The following DIAPH2 variants were observed in gnomAD, a reference collection of about 807,000 sequenced individuals.
The protein encoded by DIAPH2 is protein diaphanous homolog 2.
A neutral mutation model predicts 92.7 loss-of-function variants in DIAPH2; 35 were observed. That is an observed-to-expected ratio of 0.38 (90% CI 0.29 to 0.50). The LOEUF (loss-of-function observed/expected upper bound fraction) is 0.50, where lower values mean the gene tolerates loss of function less well. Among genes scored for constraint, DIAPH2 ranks in the 20% least tolerant of loss-of-function variants. The probability of loss-of-function intolerance (pLI) is 0.94; values close to 1 mark genes in which losing one functional copy is unlikely to be tolerated. For synonymous variants in DIAPH2, 301 were observed against 280.4 expected, an observed-to-expected ratio of 1.07 and a Z score of -0.73; for missense variants, 701 against 819.5, an observed-to-expected ratio of 0.86 and a Z score of 1.77.
intron 21 of DIAPH2, among the ~76,000 whole-genome samples, chrX:97,135,360 G>A (rs1277150658): frequency 2.7e-5 from 3 of 110,236 alleles, no homozygotes; most frequent in Non-Finnish European, 3.8e-5. Flanking sequence ...CACCATGCCC[G>A]GCTAATTTTT....
chrX:97,298,707 C>G (rs893813579), intron 23 of DIAPH2, among the ~76,000 whole-genome samples: 1 of 107,323 alleles, frequency 9.3e-6, no homozygotes, highest in African/African-American at 3.4e-5. Flanking sequence ...CTCCGCCTCC[C>G]GGGTTCACGC....
intron 21 of DIAPH2, among the ~76,000 whole-genome samples, chrX:97,122,906 C>T (rs1176495281): frequency 9.0e-6 from 1 of 111,329 alleles, no homozygotes; most frequent in Non-Finnish European, 1.9e-5. Flanking sequence ...CTATGCTACA[C>T]CAAATGCAAA....
intron 26 of DIAPH2, among the ~76,000 whole-genome samples, chrX:97,446,108 G>A (rs184765701): frequency 9.0e-6 from 1 of 111,288 alleles, no homozygotes; most frequent in African/African-American, 3.3e-5. Context: ...ACAAGTGTTT[G>A]TGATAGTGAG....
rs1193496167 is a variant in DIAPH2 at position 96,795,148 on chromosome X, C to G, written c.447+36890C>G. 2.7e-5 allele frequency among the ~76,000 whole-genome samples: 3 copies of G among 111,445 alleles called. No individual in the cohort carries two copies. In the Admixed American group the frequency reaches 2.9e-4, roughly 11 times the overall value. On this transcript the variant is annotated intron_variant, in intron 4 of 26. Coordinates refer to ENST00000324765, the MANE Select transcript of DIAPH2 (RefSeq NM_006729.5). ...GACATTTTTTTTGGTGGCCACCATT[C>G]AACCCACTATTTCAGCAAATATTTA...
chrX:97,072,353 G>T (rs181231054), intron 17 of DIAPH2, among the ~76,000 whole-genome samples: 107 of 112,221 alleles, frequency 9.5e-4, no homozygotes, highest in Non-Finnish European at 1.4e-3. Context: ...AATAGCGAGG[G>T]ATACAAAGCT....
At chrX:96,725,324 T>C (rs1013132954) in intron 1 of DIAPH2, among the ~76,000 whole-genome samples, 1 of 111,888 alleles carries the variant, frequency 8.9e-6, no homozygotes, top group African/African-American at 3.2e-5. Context: ...GTTTTTTCAG[T>C]TATCACTACT....
At chrX:96,988,379 C>T (rs1281064172) in intron 17 of DIAPH2, among the ~76,000 whole-genome samples, 1 of 109,733 alleles carries the variant, frequency 9.1e-6, no homozygotes, top group Non-Finnish European at 1.9e-5. Context: ...AAAACATACC[C>T]TCAGAAGCAG....
chrX:96,977,963 C>T (rs2147837652), intron 17 of DIAPH2, among the ~76,000 whole-genome samples: 1 of 112,106 alleles, frequency 8.9e-6, no homozygotes, highest in Non-Finnish European at 1.9e-5. Context: ...GGATTACAGG[C>T]GTGAGCCACC....
intron 23 of DIAPH2, among the ~76,000 whole-genome samples, chrX:97,329,742 C>A (rs764557130): frequency 9.0e-6 from 1 of 110,662 alleles, no homozygotes; most frequent in African/African-American, 3.3e-5. Flanking sequence ...GTAGTTAATA[C>A]CTCTAATTCC....
chrX:97,530,725 T>C (rs1039685785), intron 26 of DIAPH2, among the ~76,000 whole-genome samples: 1 of 107,915 alleles, frequency 9.3e-6, no homozygotes, highest in African/African-American at 3.3e-5. Context: ...TAAATTAGCA[T>C]GATTTTTTAA....
intron 26 of DIAPH2, among the ~76,000 whole-genome samples, chrX:97,547,368 C>T (rs962188306): frequency 2.7e-5 from 3 of 111,825 alleles, no homozygotes; most frequent in Admixed American, 9.5e-5. Context: ...CTAGCTTTTG[C>T]TGTGCTAAAG....
intron 17 of DIAPH2, among the ~76,000 whole-genome samples, chrX:97,067,875 A>G (rs1361012940): frequency 9.0e-6 from 1 of 111,459 alleles, no homozygotes; most frequent in South Asian, 3.8e-4. Context: ...TGGGCTGTTT[A>G]TAACTTTTCT....
At chrX:97,052,781 T>G (rs764479872) in intron 17 of DIAPH2, among the ~76,000 whole-genome samples, 1 of 111,552 alleles carries the variant, frequency 9.0e-6, no homozygotes, top group African/African-American at 3.2e-5. Context: ...TCTTGTACAT[T>G]TATCTGTGGG....
chrX:96,784,584 C>A (rs988188815), intron 4 of DIAPH2, among the ~76,000 whole-genome samples: 2 of 111,400 alleles, frequency 1.8e-5, no homozygotes, highest in African/African-American at 6.5e-5. Context: ...AAAAAGTGTG[C>A]AGTTTGAAAA....
intron 4 of DIAPH2, among the ~76,000 whole-genome samples, chrX:96,825,031 C>T (rs1457896713): frequency 2.8e-5 from 3 of 107,978 alleles, no homozygotes; most frequent in South Asian, 4.1e-4. Flanking sequence ...TTGCAACCTC[C>T]GACTCCCAGG....
At chrX:97,591,903 A>T (rs1038642805) in intron 26 of DIAPH2, among the ~76,000 whole-genome samples, 1 of 112,124 alleles carries the variant, frequency 8.9e-6, no homozygotes, top group Non-Finnish European at 1.9e-5. Flanking sequence ...TCTATTCACT[A>T]GCTTTGACAT....
chrX:97,106,396 T>TTGG (rs1373627698), intron 20 of DIAPH2, among the ~76,000 whole-genome samples: 2 of 111,679 alleles, frequency 1.8e-5, no homozygotes, highest in Non-Finnish European at 3.8e-5. Context: ...TGTATTTATA[T>TTGG]TCTTATCCCT....
At chrX:96,913,346 G>A (rs972210182) in intron 7 of DIAPH2, among the ~76,000 whole-genome samples, 24 of 111,340 alleles carry the variant, frequency 2.2e-4, no homozygotes, top group Non-Finnish European at 4.4e-4. Context: ...TAAATGTTCA[G>A]AAAACATAAC....
chrX:96,765,432 C>G (rs2064297173), intron 4 of DIAPH2, among the ~76,000 whole-genome samples: 1 of 110,570 alleles, frequency 9.0e-6, no homozygotes, highest in South Asian at 3.9e-4. Context: ...GTCCTGAGCT[C>G]AAGCGATCCG....
Sources: allele counts gnomAD v4.1 joint callset (sites outside exome capture counted in the v4.1 genomes callset), GRCh38; gene constraint gnomAD v4.1.1; transcripts MANE v1.5; gene names NCBI Gene and HGNC (gene_info 2026-07-23, HGNC 2026-07-21).